Variants in KIZ observed in about 807,000 individuals in gnomAD.
KIZ encodes the protein centrosomal protein kizuna.
KIZ carries 68 observed loss-of-function variants against 79.6 expected under a neutral mutation model. The observed-to-expected ratio is 0.85, with a 90% confidence interval of 0.70 to 1.05. The LOEUF (loss-of-function observed/expected upper bound fraction) is 1.05. KIZ is among the 50% of genes least tolerant of loss of function. The pLI is 0.00. For synonymous variants in KIZ, 280 were observed against 281.8 expected, an observed-to-expected ratio of 0.99 and a Z score of 0.06; for missense variants, 797 against 800.4, an observed-to-expected ratio of 1.00 and a Z score of 0.05.
At chr20:21,131,691 T>C (rs2031855096) in intron 1 of KIZ, among the ~76,000 whole-genome samples, 1 of 152,242 alleles carries the variant, frequency 6.6e-6, no homozygotes, top group African/African-American at 2.4e-5. Flanking sequence ...CTTGGCTGGC[T>C]AGTTCGCCAT....
chr20:21,167,978 A>ACAT (rs2034024707), intron 6 of KIZ, among the ~76,000 whole-genome samples: 1 of 152,122 alleles, frequency 6.6e-6, no homozygotes, highest in Non-Finnish European at 1.5e-5. Flanking sequence ...CATGCAGGTT[A>ACAT]GTTACATATG....
chr20:21,155,148 A>T (rs2033314961), intron 4 of KIZ, among the ~76,000 whole-genome samples: 1 of 152,244 alleles, frequency 6.6e-6, no homozygotes, highest in African/African-American at 2.4e-5. Context: ...ACGAGGCAAC[A>T]GTTTCATTCA....
intron 6 of KIZ, among the ~76,000 whole-genome samples, chr20:21,184,487 TCTTC>T (rs1362284420): frequency 6.6e-6 from 1 of 152,222 alleles, no homozygotes; most frequent in African/African-American, 2.4e-5. Context: ...CCCATTTCAT[TCTTC>T]CTTCTTTAGT....
intron 6 of KIZ, among the ~76,000 whole-genome samples, chr20:21,187,009 C>T (rs930550195): frequency 3.3e-5 from 5 of 151,866 alleles, no homozygotes; most frequent in Non-Finnish European, 7.4e-5. Context: ...ATCCAAAGTC[C>T]GAAATGCTCC....
chr20:21,138,319 C>T (rs751538990), intron 3 of KIZ, among the ~76,000 whole-genome samples: 8 of 152,034 alleles, frequency 5.3e-5, no homozygotes, highest in Non-Finnish European at 8.8e-5. Flanking sequence ...GAATCTAAGG[C>T]ATCATTTAAC....
At chr20:21,140,348 A>G (rs2032446296) in intron 3 of KIZ, among the ~76,000 whole-genome samples, 1 of 152,218 alleles carries the variant, frequency 6.6e-6, no homozygotes, top group Non-Finnish European at 1.5e-5. Context: ...ATACAAATGA[A>G]CTTCAAATTG....
intron 9 of KIZ, among the ~76,000 whole-genome samples, chr20:21,222,060 C>T (rs2036519328): frequency 6.6e-6 from 1 of 152,266 alleles, no homozygotes; most frequent in Non-Finnish European, 1.5e-5. Flanking sequence ...GTGGCCCTGT[C>T]TCTGTGCCAG....
rs765553065 is a variant in KIZ, at chr20:21,244,332, A to G, written c.1924+44A>G. 5 of 1,377,430 alleles carry G rather than the reference A, an allele frequency of 3.6e-6. No homozygotes were observed. In the South Asian group the frequency reaches 5.9e-5, roughly 16 times the overall value. The allele number at this position is 1,377,430 out of a possible 1,614,324, so 85.3% of individuals were successfully genotyped here. A position where few individuals can be genotyped will look rare whatever the true frequency, so the allele number is the denominator to read the frequency against. ...CACTAGATTTTCTTTTTCTGTTTTAACCAAAAAACTCTGTGACATGCATTT... is the reference window on the plus strand; with the variant it reads ...CACTAGATTTTCTTTTTCTGTTTTAGCCAAAAAACTCTGTGACATGCATTT... On this transcript the variant is annotated intron_variant, in intron 12 of 12. Coordinates refer to ENST00000619189, the MANE Select transcript of KIZ (RefSeq NM_018474.6).
Position 21,145,617 on chromosome 20 carries a change from G to A in KIZ, c.368G>A (p.Gly123Glu). 6.5e-7 allele frequency: 1 copy of A among 1,528,562 alleles called. No homozygotes were observed. Among genetic ancestry groups the A allele is most frequent in the Non-Finnish European group, 8.8e-7 (1 of 1,130,860 alleles). 94.7% of individuals were successfully genotyped at this position (1,528,562 alleles called of 1,614,324 possible). A position where few individuals can be genotyped will look rare whatever the true frequency, so the allele number is the denominator to read the frequency against. ...ATGCTATGCTCAAAAGATAGCCTGG[G>A]ACTAAAAGAGGAACTGACAGATGAA... ...KKMLCSKDSLGLKEELTDEDR... is the reference protein window; with the variant it reads ...KKMLCSKDSLELKEELTDEDR... Residue 123 changes from glycine (G) to glutamate (E), a missense_variant, in exon 4 of 13, where the codon GGA (glycine) becomes GAA (glutamate). By Grantham distance (98) the Gly-to-Glu change is moderately conservative (BLOSUM62 -2). Coordinates refer to ENST00000619189, the MANE Select transcript of KIZ (RefSeq NM_018474.6).
chr20:21,218,476 A>G (rs1304747205), intron 9 of KIZ: 2 of 152,232 alleles, frequency 1.3e-5, no homozygotes, highest in Non-Finnish European at 2.9e-5. Flanking sequence ...ACATCAATTA[A>G]TACATATTTT....
chr20:21,201,616 A>G (rs772812914), intron 6 of KIZ, among the ~76,000 whole-genome samples: 7 of 152,248 alleles, frequency 4.6e-5, no homozygotes, highest in Non-Finnish European at 1.0e-4. Context: ...TTTAAATTTC[A>G]CCTTTCTGAT....
At chr20:21,181,964 T>C (rs995191745) in intron 6 of KIZ, among the ~76,000 whole-genome samples, 1 of 152,206 alleles carries the variant, frequency 6.6e-6, no homozygotes, top group African/African-American at 2.4e-5. Context: ...CCCATCACTT[T>C]TGTTGTCAAA....
At chr20:21,161,424 C>T (rs541054272) in intron 4 of KIZ, among the ~76,000 whole-genome samples, 3 of 152,110 alleles carry the variant, frequency 2.0e-5, no homozygotes, top group Non-Finnish European at 2.9e-5. Flanking sequence ...CTCTGCTGCC[C>T]GGGTTCAAGT....
intron 6 of KIZ, among the ~76,000 whole-genome samples, chr20:21,185,313 G>C (rs1354506083): frequency 6.6e-6 from 1 of 151,764 alleles, no homozygotes; most frequent in Non-Finnish European, 1.5e-5. Context: ...TGATGGACTG[G>C]AAATGTGTTT....
intron 6 of KIZ, among the ~76,000 whole-genome samples, chr20:21,182,689 C>T (rs1404754909): frequency 4.0e-5 from 6 of 150,224 alleles, no homozygotes; most frequent in African/African-American, 1.2e-4. Context: ...CTCAGCTACT[C>T]GGGAGGCTGA....
intron 6 of KIZ, among the ~76,000 whole-genome samples, chr20:21,176,766 A>C (rs1337755051): frequency 6.6e-6 from 1 of 152,098 alleles, no homozygotes; most frequent in East Asian, 1.9e-4. Context: ...GAAAGATGGA[A>C]ATTATAATAA....
chr20:21,166,331 C>T (rs537180957), intron 6 of KIZ: 9 of 1,604,758 alleles, frequency 5.6e-6, no homozygotes, highest in Non-Finnish European at 7.6e-6. Context: ...GATTATTCTG[C>T]CATTTTTCCA....
rs140568375 is a variant in KIZ at position 21,162,651 on chromosome 20, A to G, written c.1042+144A>G. On this transcript the variant is annotated intron_variant, in intron 5 of 12. Coordinates refer to ENST00000619189, the MANE Select transcript of KIZ (RefSeq NM_018474.6). Reference sequence around the variant, plus strand: ...TTCTAATGAACTCTTAAATATGTACATGGGAGTGAATTTGCTGATTTTTAA... The same window carrying G: ...TTCTAATGAACTCTTAAATATGTACGTGGGAGTGAATTTGCTGATTTTTAA... 5.5e-4 allele frequency: 424 copies of G among 776,622 alleles called. No individual in the cohort carries two copies. In the African/African-American group the frequency reaches 6.9e-3, roughly 13 times the overall value. The allele number at this position is 776,622 out of a possible 1,614,324, so 48.1% of individuals were successfully genotyped here.
intron 10 of KIZ, among the ~76,000 whole-genome samples, chr20:21,232,432 A>G (rs923371630): frequency 1.3e-5 from 2 of 152,242 alleles, no homozygotes; most frequent in African/African-American, 4.8e-5. Flanking sequence ...TTTGTGACAC[A>G]GTAGAGATCC....
Sources: gnomAD v4.1 joint callset for allele counts (sites outside exome capture counted in the v4.1 genomes callset) on GRCh38, gnomAD v4.1.1 for gene constraint, MANE v1.5 for transcripts, NCBI Gene and HGNC (gene_info 2026-07-23, HGNC 2026-07-21) for gene names.